The following PLSCR2 variants were observed in gnomAD, a reference collection of about 807,000 sequenced individuals.
PLSCR2 encodes PL scramblase 2.
PLSCR2 carries 18 observed loss-of-function variants against 25.3 expected under a neutral mutation model. The ratio of observed to expected loss-of-function variants is 0.71; its 90% CI spans 0.49 to 1.06. The LOEUF (loss-of-function observed/expected upper bound fraction) is 1.06. Among genes scored for constraint, PLSCR2 ranks in the 50% least tolerant of loss-of-function variants. The pLI is 0.00. For missense variants in PLSCR2, 243 were observed against 269.5 expected (o/e 0.90, Z 0.69); for synonymous variants, 88 against 87.3 (o/e 1.01, Z -0.04).
At chr3:146,483,477 G>GTATATA (rs1283284113) in intron 1 of PLSCR2, among the ~76,000 whole-genome samples, 2 of 29,274 alleles carry the variant, frequency 6.8e-5, no homozygotes, top group African/African-American at 2.1e-4. Flanking sequence ...ATATATACAT[G>GTATATA]TGTATATATA....
chr3:146,425,314 T>C (rs998472616), intron 2 of PLSCR2, among the ~76,000 whole-genome samples: 1 of 152,050 alleles, frequency 6.6e-6, no homozygotes, highest in African/African-American at 2.4e-5. Context: ...AAGTATACCA[T>C]CCAAACGTGG....
At chr3:146,431,285 T>A (rs1355105000), downstream of PLSCR2, among the ~76,000 whole-genome samples, 1 of 152,206 alleles carries the variant, frequency 6.6e-6, no homozygotes, top group Non-Finnish European at 1.5e-5. Flanking sequence ...TATTCTAGTA[T>A]GTTTCTATCC....
At chr3:146,428,459 AC>A (rs2039430426), downstream of PLSCR2, among the ~76,000 whole-genome samples, 1 of 152,198 alleles carries the variant, frequency 6.6e-6, no homozygotes, top group Non-Finnish European at 1.5e-5. Flanking sequence ...TAAATTTATA[AC>A]CTGTCATTAA....
chr3:146,490,465 TATTGTGATTATCTA>T (rs1306248939), intron 1 of PLSCR2, among the ~76,000 whole-genome samples: 5 of 152,082 alleles, frequency 3.3e-5, no homozygotes. Flanking sequence ...CTCCCCCTAT[TATTGTGATTATCTA>T]ATTGTGGTTA....
intron 6 of PLSCR2, among the ~76,000 whole-genome samples, chr3:146,442,815 G>A (rs183451507): frequency 2.0e-5 from 3 of 152,086 alleles, no homozygotes; most frequent in Admixed American, 2.0e-4. Context: ...AATTAAAATG[G>A]ATTAAAGACT....
At chr3:146,468,067 T>G (rs761787729) in intron 1 of PLSCR2, among the ~76,000 whole-genome samples, 168 of 152,210 alleles carry the variant, frequency 1.1e-3, no homozygotes, top group Non-Finnish European at 2.2e-3. Context: ...TAATCTGTGT[T>G]TGTTAATTCA....
intron 1 of PLSCR2, among the ~76,000 whole-genome samples, chr3:146,474,303 A>G (rs1026317746): frequency 2.0e-5 from 3 of 152,070 alleles, no homozygotes; most frequent in African/African-American, 7.2e-5. Context: ...TTTCTTTTCA[A>G]TAGCTCCAAG....
Position 146,493,256 on chromosome 3 carries a change from A to G in PLSCR2, c.-293+2639T>C, listed in dbSNP as rs554016088. On this transcript the variant is annotated intron_variant, in intron 1 of 8. Coordinates refer to the PLSCR2 transcript ENST00000336685. ...TAACAGTCCCACTGGAACTATTGCA[A>G]AAAATTGAGGAGGAGGGACTATCTT... 5.9e-5 allele frequency among the ~76,000 whole-genome samples: 9 copies of G among 152,150 alleles called. 1 individual carries two copies. In the South Asian group the frequency reaches 1.7e-3, roughly 28 times the overall value.
intron 5 of PLSCR2, among the ~76,000 whole-genome samples, chr3:146,451,353 G>A (rs944768835): frequency 6.6e-6 from 1 of 151,986 alleles, no homozygotes; most frequent in African/African-American, 2.4e-5. Context: ...GACTTCAGGT[G>A]ATCCGCCCGC....
chr3:146,458,531 A>C, intron 2 of PLSCR2, 78 bp from the exon 3 acceptor site: 1 of 1,004,686 alleles, frequency 1.0e-6, no homozygotes, highest in Non-Finnish European at 1.4e-6. Flanking sequence ...TTTTTATTTA[A>C]TACTGCATAT....
At chr3:146,448,351 T>A (rs2108300062) in intron 6 of PLSCR2, among the ~76,000 whole-genome samples, 1 of 152,314 alleles carries the variant, frequency 6.6e-6, no homozygotes, top group South Asian at 2.1e-4. Flanking sequence ...CTGTATATTA[T>A]CTGTTAAGGT....
chr3:146,449,314 A>C (rs949469804), exon 6 of PLSCR2: 2 of 1,611,110 alleles, frequency 1.2e-6, no homozygotes, highest in South Asian at 2.2e-5. Context: ...TTAAAAACCC[A>C]GACCAGTGCT....
intron 1 of PLSCR2, among the ~76,000 whole-genome samples, chr3:146,484,505 G>A (rs1027956390): frequency 6.6e-6 from 1 of 152,066 alleles, no homozygotes; most frequent in African/African-American, 2.4e-5. Context: ...CTCCAAGGTT[G>A]AAATGAAGGA....
chr3:146,484,879 C>G (rs932118320), intron 1 of PLSCR2, among the ~76,000 whole-genome samples: 1 of 152,026 alleles, frequency 6.6e-6, no homozygotes, highest in African/African-American at 2.4e-5. Context: ...GAAACTGCAA[C>G]TAGTGTCCAA....
chr3:146,398,550 CATA>C (rs1192004673), intron 2 of PLSCR2: 105 of 151,016 alleles, frequency 7.0e-4, no homozygotes, highest in African/African-American at 2.2e-3. Context: ...ACAATATTTT[CATA>C]ATAATATTCT....
At chr3:146,489,307 T>C (rs1223042263) in intron 1 of PLSCR2, among the ~76,000 whole-genome samples, 1 of 152,028 alleles carries the variant, frequency 6.6e-6, no homozygotes, top group Non-Finnish European at 1.5e-5. Context: ...TGCACATGTA[T>C]CCCAGAACTT....
At chr3:146,458,533 A>G in intron 2 of PLSCR2, 80 bp from the exon 3 acceptor site, 1 of 1,000,018 alleles carries the variant, frequency 1.0e-6, no homozygotes, top group South Asian at 2.2e-5. Flanking sequence ...TTTATTTAAT[A>G]CTGCATATAA....
chr3:146,461,841 A>G (rs974126958), upstream of PLSCR2: 3 of 1,001,064 alleles, frequency 3.0e-6, no homozygotes, highest in African/African-American at 4.8e-5. Flanking sequence ...TACTGGAGGA[A>G]TTTAAGCAGA....
At chr3:146,447,233 C>T (rs1240433678) in intron 6 of PLSCR2, among the ~76,000 whole-genome samples, 1 of 152,228 alleles carries the variant, frequency 6.6e-6, no homozygotes, top group Non-Finnish European at 1.5e-5. Flanking sequence ...CTTCTCTCCT[C>T]TTCCCTCTCC....
Sources: gnomAD v4.1 joint callset for allele counts (sites outside exome capture counted in the v4.1 genomes callset) on GRCh38, gnomAD v4.1.1 for gene constraint, MANE v1.5 for transcripts, NCBI Gene and HGNC (gene_info 2026-07-23, HGNC 2026-07-21) for gene names.